CRACD: variants seen among roughly 807,000 people sequenced by gnomAD.
CRACD encodes the protein capping protein-inhibiting regulator of actin dynamics.
Under a neutral mutation model 106.8 loss-of-function variants are expected in CRACD, and 56 were observed. The ratio of observed to expected loss-of-function variants is 0.52; its 90% confidence interval spans 0.42 to 0.66. CRACD has a LOEUF of 0.66. CRACD is among the 30% of genes least tolerant of loss of function. The pLI, the probability that CRACD is intolerant of heterozygous loss-of-function variation, is 0.00. For missense variants in CRACD, 1,730 were observed against 1,623.2 expected, an observed-to-expected ratio of 1.07 and a Z score of -1.13; for synonymous variants, 754 against 670.8, an observed-to-expected ratio of 1.12 and a Z score of -1.92.
intron 1 of CRACD, among the ~76,000 whole-genome samples, chr4:56,174,828 A>G (rs1211476692): frequency 2.0e-5 from 3 of 152,218 alleles, no homozygotes; most frequent in Admixed American, 2.0e-4. Context: ...AAGAGGTTTA[A>G]TAGACTCACA....
intron 1 of CRACD, among the ~76,000 whole-genome samples, chr4:56,096,422 G>A (rs886858850): frequency 2.6e-5 from 4 of 151,880 alleles, no homozygotes; most frequent in Admixed American, 6.6e-5. Context: ...TTCAGGAATA[G>A]AGGATATGGG....
intron 2 of CRACD, among the ~76,000 whole-genome samples, chr4:56,218,017 T>A (rs1281506347): frequency 1.3e-5 from 2 of 152,156 alleles, no homozygotes; most frequent in African/African-American, 4.8e-5. Flanking sequence ...TTGTACATGA[T>A]GTTGTCCCTG....
In CRACD at chr4:56,310,717, A is replaced by G. The variant is rs549421766; in HGVS notation, c.337A>G (p.Ser113Gly). Residue 113 changes from serine (S) to glycine (G), a missense_variant, in exon 6 of 11, where the codon AGT (serine) becomes GGT (glycine). Physicochemically the swap from Ser to Gly is moderately conservative, Grantham distance 56 (BLOSUM62 0). Coordinates refer to ENST00000682029, the MANE Select transcript of CRACD (RefSeq NM_001393381.1). ...LSPLNLPGAG[S>G]EMEEKVAPVK... ...TCCTCTGAATCTCCCTGGAGCTGGA[A>G]GTGAGATGGAAGAGAAGGTAATATG... is the stretch of plus-strand genomic sequence containing the variant. 3.7e-6 allele frequency: 6 copies of G among 1,608,118 alleles called. No homozygotes were observed. In the Admixed American group the frequency reaches 5.0e-5, roughly 13 times the overall value.
intron 1 of CRACD, among the ~76,000 whole-genome samples, chr4:56,142,217 C>T (rs1451844845): frequency 6.6e-6 from 1 of 152,036 alleles, no homozygotes; most frequent in Non-Finnish European, 1.5e-5. Flanking sequence ...AACCATTTTG[C>T]TTTCTAATAT....
chr4:56,271,145 A>G (rs1471486964), intron 2 of CRACD, among the ~76,000 whole-genome samples: 1 of 151,960 alleles, frequency 6.6e-6, no homozygotes, highest in Non-Finnish European at 1.5e-5. Context: ...TAGTTGTCAG[A>G]CCACTAGAAA....
At chr4:56,313,076 C>T (rs540180019) in intron 6 of CRACD, 121 bp from the exon 7 acceptor site, 2 of 812,872 alleles carry the variant, frequency 2.5e-6, no homozygotes, top group Middle Eastern at 3.1e-4. Context: ...TCCCTCTGCT[C>T]ACCTGCATTC....
rs541522522 is a variant in CRACD, at chr4:56,071,287, C to T, written c.-336+21988C>T. Among the ~76,000 whole-genome samples, 4 of 152,236 alleles carry T rather than the reference C, an allele frequency of 2.6e-5. No individual in the cohort carries two copies. The East Asian group carries it at 7.7e-4, about 29-fold the overall frequency. ...GACAGTGGAGTGTACCTGCAGTAAC[C>T]AGTATCCTTTCAGATAGACACTTTT... On this transcript the variant is annotated intron_variant, in intron 1 of 10. Coordinates refer to ENST00000682029, the MANE Select transcript of CRACD (RefSeq NM_001393381.1).
chr4:56,292,875 A>C (rs1454410810), intron 3 of CRACD, among the ~76,000 whole-genome samples: 1 of 152,186 alleles, frequency 6.6e-6, no homozygotes, highest in Non-Finnish European at 1.5e-5. Context: ...AAAATTACCA[A>C]GCATCTAAGA....
At chr4:56,242,813 C>T (rs17086502) in intron 2 of CRACD, among the ~76,000 whole-genome samples, 175 of 152,180 alleles carry the variant, frequency 1.1e-3, no homozygotes, top group African/African-American at 4.1e-3. Flanking sequence ...GACCACCAGG[C>T]TCTGAGATAG....
intron 2 of CRACD, among the ~76,000 whole-genome samples, chr4:56,214,816 G>C (rs1251307457): frequency 6.6e-6 from 1 of 151,480 alleles, no homozygotes; most frequent in African/African-American, 2.4e-5. Context: ...TTCGAGACAA[G>C]TCTGGCCAAC....
chr4:56,233,934 A>G (rs1168501297), intron 2 of CRACD, among the ~76,000 whole-genome samples: 1 of 152,124 alleles, frequency 6.6e-6, no homozygotes, highest in Non-Finnish European at 1.5e-5. Flanking sequence ...ATCCCTAAGT[A>G]TGTTCTATTT....
At chr4:56,055,276 G>T (rs1293155161) in intron 1 of CRACD, among the ~76,000 whole-genome samples, 1 of 151,956 alleles carries the variant, frequency 6.6e-6, no homozygotes, top group Admixed American at 6.6e-5. Context: ...GAAACAGGTT[G>T]TCTGAAAACT....
At chr4:56,231,378 T>C (rs540699366) in intron 2 of CRACD, among the ~76,000 whole-genome samples, 2 of 152,342 alleles carry the variant, frequency 1.3e-5, no homozygotes, top group South Asian at 4.1e-4. Flanking sequence ...ATAAATATCA[T>C]GCAAATATAA....
chr4:56,204,659 A>G (rs1415859659), intron 2 of CRACD, among the ~76,000 whole-genome samples: 1 of 152,158 alleles, frequency 6.6e-6, no homozygotes, highest in East Asian at 1.9e-4. Flanking sequence ...TTTAGGTTTC[A>G]CTCCTAGGAT....
intron 1 of CRACD, among the ~76,000 whole-genome samples, chr4:56,061,533 C>G (rs1208651390): frequency 6.6e-6 from 1 of 151,894 alleles, no homozygotes; most frequent in Admixed American, 6.6e-5. Flanking sequence ...GGCCAGTAAA[C>G]AGATGACAGT....
rs534186334 is a variant in CRACD, at chr4:56,270,540, C to T, written c.-188-1781C>T. Among the ~76,000 whole-genome samples, 181 of 152,174 alleles carry T rather than the reference C, an allele frequency of 1.2e-3. 1 individual carries two copies. Among genetic ancestry groups the T allele is most frequent in the Non-Finnish European group, 2.0e-3 (133 of 67,990 alleles). On this transcript the variant is annotated intron_variant, in intron 2 of 10. Transcript: ENST00000682029. ...GGAAGGTGGGGGAGTTGTATCTGTGCGTTTTGTGCAGGTGTTTTTCACTTC... is the reference window on the plus strand; with the variant it reads ...GGAAGGTGGGGGAGTTGTATCTGTGTGTTTTGTGCAGGTGTTTTTCACTTC...
At chr4:56,072,375 C>G (rs1464036327) in intron 1 of CRACD, among the ~76,000 whole-genome samples, 1 of 152,096 alleles carries the variant, frequency 6.6e-6, no homozygotes, top group African/African-American at 2.4e-5. Context: ...TTCGCTTTGT[C>G]AGAGTTGCTT....
At chr4:56,234,817 A>C (rs1739866134) in intron 2 of CRACD, among the ~76,000 whole-genome samples, 1 of 152,176 alleles carries the variant, frequency 6.6e-6, no homozygotes, top group South Asian at 2.1e-4. Context: ...ATGGGACTTC[A>C]AGTGAAAATG....
Position 56,323,426 on chromosome 4 carries a change from A to C in CRACD, c.3237A>C (p.Thr1079=), listed in dbSNP as rs1224865614. The change falls in exon 9 of 11, where the codon ACA becomes ACC. Residue 1079 remains threonine (T), a synonymous_variant. Coordinates refer to ENST00000682029, the MANE Select transcript of CRACD (RefSeq NM_001393381.1). ...SRHSLDGSKL[T]EKVETAQPLW... ...ACTCCTTAGATGGCTCCAAACTTACAGAGAAAGTGGAAACTGCTCAGCCGC... is the reference window on the plus strand; with the variant it reads ...ACTCCTTAGATGGCTCCAAACTTACCGAGAAAGTGGAAACTGCTCAGCCGC... 1 of 1,611,366 alleles carries C rather than the reference A, an allele frequency of 6.2e-7. No homozygotes were observed. The highest frequency in any genetic ancestry group is 8.5e-7 in the Non-Finnish European group (1 of 1,179,374).
Sources: allele counts gnomAD v4.1 joint callset (sites outside exome capture counted in the v4.1 genomes callset), GRCh38; gene constraint gnomAD v4.1.1; transcripts MANE v1.5; gene names NCBI Gene and HGNC (gene_info 2026-07-23, HGNC 2026-07-21).